The following ADAM12 variants were observed in gnomAD, a reference collection of about 807,000 sequenced individuals.
The protein encoded by ADAM12 is disintegrin and metalloproteinase domain-containing protein 12.
ADAM12 carries 70 observed loss-of-function variants against 106.4 expected under a neutral mutation model. The ratio of observed to expected loss-of-function variants is 0.66; its 90% CI spans 0.54 to 0.80. ADAM12 has a LOEUF of 0.80. Among genes scored for constraint, ADAM12 ranks in the 30% least tolerant of loss-of-function variants. ADAM12 has a pLI of 0.00. For missense variants in ADAM12, 1,010 were observed against 1,171.9 expected, an observed-to-expected ratio of 0.86 and a Z score of 2.02; for synonymous variants, 420 against 433.5, an observed-to-expected ratio of 0.97 and a Z score of 0.39.
intron 3 of ADAM12, among the ~76,000 whole-genome samples, chr10:126,189,383 G>T: frequency 6.6e-6 from 1 of 152,144 alleles, no homozygotes; most frequent in African/African-American, 2.4e-5. Context: ...GACCAGTTGG[G>T]GCCAGAATGT....
intron 3 of ADAM12, among the ~76,000 whole-genome samples, chr10:126,164,765 C>T (rs751666739): frequency 1.3e-5 from 2 of 152,174 alleles, no homozygotes; most frequent in African/African-American, 2.4e-5. Context: ...TCAGCAGAAA[C>T]TCTAGACTAG....
intron 3 of ADAM12, among the ~76,000 whole-genome samples, chr10:126,176,029 G>A (rs114130684): frequency 6.6e-6 from 1 of 152,268 alleles, no homozygotes; most frequent in Admixed American, 6.5e-5. Flanking sequence ...AGGCTGCCTC[G>A]CCCTCACCCT....
At chr10:126,155,126 A>C in intron 4 of ADAM12, 101 bp downstream of exon 4, 1 of 1,326,074 alleles carries the variant, frequency 7.5e-7, no homozygotes, top group Non-Finnish European at 1.1e-6. Context: ...GCCTAAGTTA[A>C]GAATCTGGGC....
At chr10:126,206,490 T>G (rs1200075021) in intron 3 of ADAM12, among the ~76,000 whole-genome samples, 2 of 152,176 alleles carry the variant, frequency 1.3e-5, no homozygotes, top group African/African-American at 4.8e-5. Context: ...TAATATCCCA[T>G]GAGCAAAGAG....
chr10:126,205,337 A>G (rs1234007418), intron 3 of ADAM12, among the ~76,000 whole-genome samples: 1 of 152,192 alleles, frequency 6.6e-6, no homozygotes, highest in African/African-American at 2.4e-5. Context: ...TGTTTAAAAA[A>G]AAAAAAACAA....
rs1200398738 is a variant in ADAM12 at position 126,151,952 on chromosome 10, A to AT, written c.339+3274dup. On this transcript the variant is annotated intron_variant, in intron 4 of 22. Coordinates refer to ENST00000448723, the MANE Select transcript of ADAM12 (RefSeq NM_001288973.2). ...TCTTAATTTTATAAATGTCTTGTCC[A>AT]TTTTATGAATATTTTCAAAGCACCA... is the stretch of plus-strand genomic sequence containing the variant. Among the ~76,000 whole-genome samples, 3 of 146,818 alleles carry AT rather than the reference A, an allele frequency of 2.0e-5. No individual in the cohort carries two copies. In the East Asian group the frequency reaches 5.9e-4, roughly 29 times the overall value.
At chr10:126,157,435 C>T (rs1405183727) in intron 3 of ADAM12, among the ~76,000 whole-genome samples, 1 of 152,232 alleles carries the variant, frequency 6.6e-6, no homozygotes, top group Non-Finnish European at 1.5e-5. Flanking sequence ...ATGAGAAGCA[C>T]TTCCTTACAC....
chr10:126,191,121 C>A (rs988844584), intron 3 of ADAM12, among the ~76,000 whole-genome samples: 6 of 147,750 alleles, frequency 4.1e-5, no homozygotes, highest in Non-Finnish European at 1.5e-5. Context: ...CATGCCTCAG[C>A]CTTCTGAGTA....
chr10:126,368,459 A>C (rs1318387303), intron 1 of ADAM12, among the ~76,000 whole-genome samples: 1 of 151,986 alleles, frequency 6.6e-6, no homozygotes, highest in Non-Finnish European at 1.5e-5. Flanking sequence ...GTACTTTTAA[A>C]ATTACTATGA....
intron 3 of ADAM12, among the ~76,000 whole-genome samples, chr10:126,234,656 T>C (rs561340889): frequency 2.6e-5 from 4 of 152,324 alleles, no homozygotes; most frequent in African/African-American, 7.2e-5. Context: ...CCTGACAGTG[T>C]CCACCTATGT....
At chr10:126,132,471 C>T (rs1356382754) in intron 5 of ADAM12, among the ~76,000 whole-genome samples, 3 of 151,612 alleles carry the variant, frequency 2.0e-5, no homozygotes, top group Admixed American at 2.0e-4. Flanking sequence ...GCCCTGGTCT[C>T]TACAGGAGCT....
chr10:126,179,163 C>T (rs2133779531), intron 3 of ADAM12, among the ~76,000 whole-genome samples: 1 of 152,300 alleles, frequency 6.6e-6, no homozygotes, highest in East Asian at 1.9e-4. Flanking sequence ...GTGTGGGAAT[C>T]TCCCATCAGC....
intron 3 of ADAM12, among the ~76,000 whole-genome samples, chr10:126,175,051 C>T (rs1048915960): frequency 2.3e-4 from 35 of 152,268 alleles, no homozygotes; most frequent in African/African-American, 5.8e-4. Context: ...CCACCGCGCC[C>T]GGCCACCCAT....
At chr10:126,324,901 GTT>G (rs1854237974) in intron 2 of ADAM12, among the ~76,000 whole-genome samples, 1 of 151,980 alleles carries the variant, frequency 6.6e-6, no homozygotes, top group Non-Finnish European at 1.5e-5. Context: ...AAAAGCCGAA[GTT>G]ATTGTTCGTA....
chr10:126,173,669 G>A (rs1419248392), intron 3 of ADAM12, among the ~76,000 whole-genome samples: 2 of 152,054 alleles, frequency 1.3e-5, no homozygotes, highest in Admixed American at 6.6e-5. Context: ...AAAGTCAATG[G>A]AGGAACAAAA....
intron 4 of ADAM12, among the ~76,000 whole-genome samples, chr10:126,143,284 A>ATGTG (rs140327815): frequency 7.2e-6 from 1 of 139,718 alleles, no homozygotes; most frequent in Non-Finnish European, 1.5e-5. Flanking sequence ...ATGGGTATGC[A>ATGTG]TGTGTGTGTG....
intron 3 of ADAM12, among the ~76,000 whole-genome samples, chr10:126,196,846 T>TA (rs57018159): frequency 1.3e-5 from 2 of 150,934 alleles, no homozygotes; most frequent in African/African-American, 2.4e-5. Context: ...TCTTGTAAAA[T>TA]AAAAAAAAAG....
At chr10:126,118,356 T>C in intron 5 of ADAM12, 132 bp from the exon 6 acceptor site, 2 of 681,706 alleles carry the variant, frequency 2.9e-6, no homozygotes, top group East Asian at 5.5e-5. Flanking sequence ...AGATTTTGAT[T>C]GGAAAGGACG....
intron 3 of ADAM12, among the ~76,000 whole-genome samples, chr10:126,175,400 AAAACTC>A (rs1957201863): frequency 6.6e-6 from 1 of 152,346 alleles, no homozygotes; most frequent in East Asian, 1.9e-4. Flanking sequence ...CTCGGAAAAT[AAAACTC>A]AAAACAGGCA....
Sources: gnomAD v4.1 joint callset for allele counts (sites outside exome capture counted in the v4.1 genomes callset) on GRCh38, gnomAD v4.1.1 for gene constraint, MANE v1.5 for transcripts, NCBI Gene and HGNC (gene_info 2026-07-23, HGNC 2026-07-21) for gene names.